Variants in TMEM233 observed in about 807,000 individuals in gnomAD.
TMEM233 encodes the protein transmembrane protein 233.
A neutral mutation model predicts 11.2 loss-of-function variants in TMEM233; 6 were observed. The observed-to-expected ratio is 0.54, with a 90% CI of 0.29 to 1.06. The LOEUF (loss-of-function observed/expected upper bound fraction) is 1.06. Among genes scored for constraint, TMEM233 ranks in the 50% least tolerant of loss-of-function variants. The pLI, the probability that TMEM233 is intolerant of heterozygous loss-of-function variation, is 0.08. For synonymous variants in TMEM233, 59 were observed against 55.8 expected (o/e 1.06, Z -0.26); for missense variants, 127 against 144.7 (o/e 0.88, Z 0.63).
Position 119,595,145 on chromosome 12 carries a change from G to A in TMEM233, c.186+1111G>A, listed in dbSNP as rs894049431. Among the ~76,000 whole-genome samples, 9 of 152,224 alleles carry A rather than the reference G, an allele frequency of 5.9e-5. No individual in the cohort carries two copies. The highest frequency in any genetic ancestry group is 2.2e-4 in the African/African-American group (9 of 41,466). ...GCGAACCCCACCAGGAGGGCGACGA[G>A]CGCCTGCTAGGCCCTCGCCTTATTG... On this transcript the variant is annotated intron_variant, in intron 1 of 2. Transcript: ENST00000426426. This position sits in a 1 kb window ranked among gnomAD's most constrained non-coding sequence, Gnocchi z 4.3.
the TMEM233 span, among the ~76,000 whole-genome samples, chr12:119,651,742 A>T: frequency 6.8e-6 from 1 of 147,902 alleles, no homozygotes; most frequent in East Asian, 2.0e-4. Context: ...CAGGAAAATC[A>T]CCTGAACCAG....
At chr12:119,652,497 G>A in the TMEM233 span, among the ~76,000 whole-genome samples, 20 of 152,094 alleles carry the variant, frequency 1.3e-4, no homozygotes, top group South Asian at 2.1e-4. Flanking sequence ...ACATTTACCC[G>A]GCTTTTCCTC....
chr12:119,626,963 G>A lies in TMEM233; in HGVS notation c.187-2773G>A, dbSNP rs187191440. On this transcript the variant is annotated intron_variant, in intron 1 of 2. Transcript: ENST00000426426. ...CAAGTTTGGCATGAGCACAGAATCA[G>A]AGAAGATGCTCTGCTGAGCCCAATA... 2.6e-5 allele frequency among the ~76,000 whole-genome samples: 4 copies of A among 152,374 alleles called. No individual in the cohort carries two copies. The East Asian group carries it at 5.8e-4, about 22-fold the overall frequency.
At chr12:119,622,670 AC>A (rs897600594) in intron 1 of TMEM233, among the ~76,000 whole-genome samples, 1 of 150,958 alleles carries the variant, frequency 6.6e-6, no homozygotes, top group African/African-American at 2.4e-5. Flanking sequence ...TAAGCCCGAG[AC>A]CCCCCCAGCC....
intron 1 of TMEM233, among the ~76,000 whole-genome samples, chr12:119,606,512 A>G (rs1158387073): frequency 1.3e-5 from 2 of 152,236 alleles, no homozygotes; most frequent in African/African-American, 4.8e-5. Flanking sequence ...GAAGAAAAAA[A>G]CATGTTCTAA....
rs1270872170 is a variant in TMEM233 at position 119,595,074 on chromosome 12, G to A, written c.186+1040G>A. On this transcript the variant is annotated intron_variant, in intron 1 of 2. Transcript: ENST00000426426. This position sits in a 1 kb window ranked among gnomAD's most constrained non-coding sequence, Gnocchi z 4.3. ...GCTGGGGCCTCTAGTCCGCCCTTCC[G>A]GAGCTCAGCTCCCTAGCCCTCTTCA... Among the ~76,000 whole-genome samples the A allele has an allele frequency of 1.3e-5, 2 of 152,202 alleles. No individual in the cohort carries two copies. The highest frequency in any genetic ancestry group is 2.9e-5 in the Non-Finnish European group (2 of 68,026).
chr12:119,597,690 G>T (rs1831539715), intron 1 of TMEM233, among the ~76,000 whole-genome samples: 1 of 152,160 alleles, frequency 6.6e-6, no homozygotes, highest in African/African-American at 2.4e-5. Flanking sequence ...GGTCCTGGGG[G>T]TTAGGAGGTG....
At chr12:119,629,491 T>G (rs1275645364) in intron 1 of TMEM233, among the ~76,000 whole-genome samples, 2 of 152,144 alleles carry the variant, frequency 1.3e-5, no homozygotes, top group Non-Finnish European at 2.9e-5. Context: ...GACAAAATCT[T>G]GTTACGTAAA....
chr12:119,642,447 C>CA lies in TMEM233; in HGVS notation c.*1752dup, dbSNP rs1430309091. 1.6e-4 allele frequency: 20 copies of CA among 126,488 alleles called. No individual in the cohort carries two copies. The highest frequency in any genetic ancestry group is 2.5e-4 in the South Asian group (1 of 3,950). The allele number at this position is 126,488 out of a possible 1,614,324, so 7.8% of individuals were successfully genotyped here. ...GGGGTGACAGAGCAAGACTCCATCT[C>CA]AAAAAAAAAAGAAAAGAAAACGAAA... On this transcript the variant is annotated 3_prime_UTR_variant, in exon 3 of 3. Coordinates refer to ENST00000426426, the MANE Select transcript of TMEM233 (RefSeq NM_001136534.3).
chr12:119,605,708 C>T (rs1469611266), intron 1 of TMEM233, among the ~76,000 whole-genome samples: 4 of 152,174 alleles, frequency 2.6e-5, no homozygotes, highest in Middle Eastern at 3.4e-3. Flanking sequence ...GGATTAGAGG[C>T]GTGAGCCACA....
Position 119,609,999 on chromosome 12 carries a change from C to T in TMEM233, c.186+15965C>T, listed in dbSNP as rs572948999. Among the ~76,000 whole-genome samples the T allele has an allele frequency of 5.0e-4, 76 of 152,312 alleles. No homozygotes were observed. In the South Asian group the frequency reaches 0.015, roughly 31 times the overall value. On this transcript the variant is annotated intron_variant, in intron 1 of 2. Transcript: ENST00000426426. ...TGCACCATGCACTTGGTGCAACCCA[C>T]AGACACTCAACACCAGCCATGGAAG...
At chr12:119,646,526 C>T (rs751867359), downstream of TMEM233, among the ~76,000 whole-genome samples, 7 of 152,220 alleles carry the variant, frequency 4.6e-5, no homozygotes, top group Non-Finnish European at 7.3e-5. Context: ...TCTGGAAGTT[C>T]GTAGAGAGAA....
chr12:119,598,926 A>G (rs146612685), intron 1 of TMEM233, among the ~76,000 whole-genome samples: 2 of 152,202 alleles, frequency 1.3e-5, no homozygotes, highest in Admixed American at 1.3e-4. Flanking sequence ...ATTGATGTTG[A>G]TGATGGTGAT....
chr12:119,646,152 G>T (rs1204076462), downstream of TMEM233, among the ~76,000 whole-genome samples: 1 of 151,602 alleles, frequency 6.6e-6, no homozygotes, highest in Non-Finnish European at 1.5e-5. Flanking sequence ...CCGCCTCCCA[G>T]GTTCAAGCAA....
downstream of TMEM233, among the ~76,000 whole-genome samples, chr12:119,645,246 G>A (rs1332126488): frequency 7.6e-6 from 1 of 131,556 alleles, no homozygotes; most frequent in Non-Finnish European, 1.5e-5. Context: ...AAAACAGCAT[G>A]ATGCACATAT....
At chr12:119,639,179 A>C (rs1955030433) in intron 2 of TMEM233, among the ~76,000 whole-genome samples, 1 of 152,136 alleles carries the variant, frequency 6.6e-6, no homozygotes, top group African/African-American at 2.4e-5. Context: ...CAAAGAGACT[A>C]TCCCTTTAGC....
chr12:119,629,777 G>A lies in TMEM233; in HGVS notation c.228G>A (p.Arg76=). The change falls in exon 2 of 3, where the codon AGG becomes AGA. Residue 76 remains arginine, a synonymous_variant. Transcript: ENST00000426426. ...ACGATGGAGACTACGAAGGAGCCAG[G>A]CGGCTTGGGCGGAATGCTAAGTGGG... ...SYNDGDYEGA[R]RLGRNAKWVA... The A allele has an allele frequency of 6.4e-7, 1 of 1,551,678 alleles. No homozygotes were observed. The highest frequency in any genetic ancestry group is 8.7e-7 in the Non-Finnish European group (1 of 1,146,974).
intron 1 of TMEM233, among the ~76,000 whole-genome samples, chr12:119,628,795 C>T (rs1046221679): frequency 2.0e-5 from 3 of 151,918 alleles, no homozygotes; most frequent in East Asian, 2.0e-4. Flanking sequence ...CCACCACGCC[C>T]GGCCCACCAG....
chr12:119,649,271 C>G, the TMEM233 span, among the ~76,000 whole-genome samples: 1 of 151,890 alleles, frequency 6.6e-6, no homozygotes, highest in South Asian at 2.1e-4. Context: ...GCACTCCAGC[C>G]TGGGCCACAA....
Sources: gnomAD v4.1 joint callset for allele counts (sites outside exome capture counted in the v4.1 genomes callset) on GRCh38, gnomAD v4.1.1 for gene constraint, Gnocchi (gnomAD v3.1) non-coding constraint, MANE v1.5 for transcripts, NCBI Gene and HGNC (gene_info 2026-07-23, HGNC 2026-07-21) for gene names.